MSI2: variants seen among roughly 807,000 people sequenced by gnomAD.
MSI2 encodes the protein RNA-binding protein Musashi homolog 2.
MSI2 carries 17 observed loss-of-function variants against 45.6 expected under a neutral mutation model. The observed-to-expected ratio is 0.37, with a 90% CI of 0.26 to 0.56. The LOEUF (loss-of-function observed/expected upper bound fraction) is 0.56, where lower values mean the gene tolerates loss of function less well. Ranked by LOEUF, MSI2 falls within the 20% of genes least tolerant of loss-of-function variation. The pLI is 0.77. For synonymous variants in MSI2, 156 were observed against 158.2 expected (o/e 0.99, Z 0.11); for missense variants, 293 against 444.2 (o/e 0.66, Z 3.06).
chr17:57,527,956 G>A lies in MSI2; in HGVS notation c.406-1720G>A, dbSNP rs1374986662. On this transcript the variant is annotated intron_variant, in intron 6 of 13. Coordinates refer to ENST00000284073, the MANE Select transcript of MSI2 (RefSeq NM_138962.4). ...GAGGAGTGAGGCATGAATAGCCCAC[G>A]ATTCCTTTTCTCAAAGGGATTAGCG... is the stretch of plus-strand genomic sequence containing the variant. Among the ~76,000 whole-genome samples the A allele has an allele frequency of 2.0e-5, 3 of 152,284 alleles. No homozygotes were observed. The East Asian group carries it at 5.8e-4, about 29-fold the overall frequency.
At position 57,529,092 on chromosome 17, in the gene MSI2, T is replaced by C. The variant is rs187060054; in HGVS notation, c.406-584T>C. 4.6e-5 allele frequency among the ~76,000 whole-genome samples: 7 copies of C among 152,260 alleles called. No individual in the cohort carries two copies. Among genetic ancestry groups the C allele is most frequent in the Non-Finnish European group, 7.4e-5 (5 of 68,022 alleles). Reference sequence around the variant, plus strand: ...ACAAAAGGACAAATTCCATATACTATATGATTTAAACTATATTGAAATAGT... The same window carrying C: ...ACAAAAGGACAAATTCCATATACTACATGATTTAAACTATATTGAAATAGT... On this transcript the variant is annotated intron_variant, in intron 6 of 13. Transcript: ENST00000284073. This position sits in a 1 kb window ranked among gnomAD's most constrained non-coding sequence, Gnocchi z 5.3.
intron 6 of MSI2, among the ~76,000 whole-genome samples, chr17:57,454,438 C>CTTTTTT (rs35707042): frequency 3.8e-5 from 5 of 130,132 alleles, no homozygotes; most frequent in Admixed American, 7.9e-5. Context: ...TTTTCTCTTT[C>CTTTTTT]TTTTTTTTTT....
At chr17:57,331,415 C>T (rs1598130300) in intron 5 of MSI2, among the ~76,000 whole-genome samples, 1 of 152,222 alleles carries the variant, frequency 6.6e-6, no homozygotes, top group East Asian at 1.9e-4. Context: ...AGTAACTTCT[C>T]TGGAAACTTA....
At chr17:57,470,274 A>T (rs942836665) in intron 6 of MSI2, among the ~76,000 whole-genome samples, 3 of 61,872 alleles carry the variant, frequency 4.8e-5, no homozygotes, top group Non-Finnish European at 1.2e-4. Flanking sequence ...TCATATTGAA[A>T]TTTTTATTTA....
chr17:57,575,007 T>G lies in MSI2; in HGVS notation c.455-21861T>G, dbSNP rs568639854. Among the ~76,000 whole-genome samples, 40 of 152,064 alleles carry G rather than the reference T, an allele frequency of 2.6e-4. No individual in the cohort carries two copies. The South Asian group carries it at 7.9e-3, about 30-fold the overall frequency. On this transcript the variant is annotated intron_variant, in intron 7 of 13. Transcript: ENST00000284073. ...CACCACGCCCGGCTAATTTTTTGTGTTTTTAGTAGAGATGGGGTTTCACTG... is the reference window on the plus strand; with the variant it reads ...CACCACGCCCGGCTAATTTTTTGTGGTTTTAGTAGAGATGGGGTTTCACTG...
downstream of MSI2, among the ~76,000 whole-genome samples, chr17:57,686,768 G>T (rs556118643): frequency 8.5e-5 from 13 of 152,242 alleles, no homozygotes; most frequent in Middle Eastern, 3.4e-3. Context: ...AAAGCCACTA[G>T]AAATGCAGAG....
At chr17:57,497,499 G>A (rs540492912) in intron 6 of MSI2, among the ~76,000 whole-genome samples, 29 of 152,194 alleles carry the variant, frequency 1.9e-4, no homozygotes, top group Non-Finnish European at 1.8e-4. Context: ...CGCTTGTTTG[G>A]GAACAGAGAG....
chr17:57,671,115 A>C (rs1248048540), intron 11 of MSI2, among the ~76,000 whole-genome samples: 1 of 152,038 alleles, frequency 6.6e-6, no homozygotes, highest in African/African-American at 2.4e-5. Context: ...TTGGAGAGTG[A>C]GGATGAGGGG....
chr17:57,671,056 T>C (rs1912738505), intron 11 of MSI2, among the ~76,000 whole-genome samples: 1 of 152,058 alleles, frequency 6.6e-6, no homozygotes, highest in African/African-American at 2.4e-5. Context: ...CCTTACATCA[T>C]TGCTGCCTCT....
chr17:57,529,600 C>T lies in MSI2; in HGVS notation c.406-76C>T. ...CTGTAATGGAAACTACCCCCTCACC[C>T]CCCGACATGCATATAATGTTTTGTG... On this transcript the variant is annotated intron_variant, in intron 6 of 13. Coordinates refer to ENST00000284073, the MANE Select transcript of MSI2 (RefSeq NM_138962.4). The surrounding 1 kb of genome is among the most constrained non-coding windows in gnomAD (Gnocchi z 5.3). 3.7e-6 allele frequency: 5 copies of T among 1,363,760 alleles called. No individual in the cohort carries two copies. The highest frequency in any genetic ancestry group is 3.5e-5 in the Admixed American group (2 of 57,290). The allele number at this position is 1,363,760 out of a possible 1,614,324, so 84.5% of individuals were successfully genotyped here.
chr17:57,385,121 C>G (rs928386914), intron 5 of MSI2, among the ~76,000 whole-genome samples: 1 of 152,142 alleles, frequency 6.6e-6, no homozygotes, highest in Non-Finnish European at 1.5e-5. Flanking sequence ...AGCTCCTAAC[C>G]GTTCTTACAG....
intron 6 of MSI2, among the ~76,000 whole-genome samples, chr17:57,464,219 G>T (rs2085288838): frequency 6.6e-6 from 1 of 152,088 alleles, no homozygotes; most frequent in African/African-American, 2.4e-5. Context: ...GAGGCAGATG[G>T]ATCACTTGAG....
At chr17:57,687,732 A>G (rs182288292), downstream of MSI2, among the ~76,000 whole-genome samples, 3 of 152,238 alleles carry the variant, frequency 2.0e-5, no homozygotes, top group East Asian at 5.8e-4. Flanking sequence ...TATGAAACAC[A>G]TGGCTTTGCT....
intron 5 of MSI2, among the ~76,000 whole-genome samples, chr17:57,304,338 C>A (rs1463252556): frequency 5.0e-5 from 6 of 120,480 alleles, no homozygotes; most frequent in Admixed American, 9.7e-5. Flanking sequence ...GCCTGGGCGA[C>A]AGAGTGAGAC....
chr17:57,612,648 A>G (rs1031907836), intron 8 of MSI2, among the ~76,000 whole-genome samples: 7 of 152,306 alleles, frequency 4.6e-5, no homozygotes, highest in African/African-American at 1.7e-4. Flanking sequence ...GCAGAATTAA[A>G]CAGAGCTGTC....
At chr17:57,392,017 G>A (rs975037535) in intron 5 of MSI2, among the ~76,000 whole-genome samples, 1 of 152,216 alleles carries the variant, frequency 6.6e-6, no homozygotes, top group East Asian at 1.9e-4. Flanking sequence ...CTCCCAGAGG[G>A]ATGGAGTGAT....
At chr17:57,558,954 C>T (rs2087507267) in intron 7 of MSI2, among the ~76,000 whole-genome samples, 1 of 152,132 alleles carries the variant, frequency 6.6e-6, no homozygotes, top group East Asian at 1.9e-4. Flanking sequence ...CCCCACTACT[C>T]GGGAGGCTGA....
intron 7 of MSI2, chr17:57,565,790 G>A (rs1049405099): frequency 2.0e-5 from 3 of 152,266 alleles, no homozygotes; most frequent in Admixed American, 2.0e-4. Flanking sequence ...AGCAGAGGAA[G>A]GGAAGGCATT....
intron 5 of MSI2, chr17:57,263,989 G>A (rs1445656298): frequency 6.6e-6 from 1 of 152,202 alleles, no homozygotes; most frequent in Non-Finnish European, 1.5e-5. Flanking sequence ...ATCTCCTGGG[G>A]CATTTGGCTG....
Sources: allele counts gnomAD v4.1 joint callset (sites outside exome capture counted in the v4.1 genomes callset), GRCh38; gene constraint gnomAD v4.1.1; non-coding constraint Gnocchi (gnomAD v3.1); transcripts MANE v1.5; gene names NCBI Gene and HGNC (gene_info 2026-07-23, HGNC 2026-07-21).